MIR2052HG: variants seen among roughly 807,000 people sequenced by gnomAD.
MIR2052HG encodes MIR2052 host gene.
At chr8:74,637,431 GCACA>G (rs144103123) in intron 2 of MIR2052HG, among the ~76,000 whole-genome samples, 2 of 150,836 alleles carry the variant, frequency 1.3e-5, no homozygotes, top group South Asian at 4.2e-4. Flanking sequence ...ACATGTGCGT[GCACA>G]CACACACACA....
chr8:74,687,265 C>T (rs987419613), intron 2 of MIR2052HG, among the ~76,000 whole-genome samples: 2 of 151,976 alleles, frequency 1.3e-5, no homozygotes, highest in African/African-American at 2.4e-5. Context: ...AATGGTCTAG[C>T]AGTTATGGAA....
chr8:74,649,708 T>C (rs896552959), intron 2 of MIR2052HG, among the ~76,000 whole-genome samples: 1 of 152,180 alleles, frequency 6.6e-6, no homozygotes, highest in Non-Finnish European at 1.5e-5. Context: ...TTAGTGTCAC[T>C]GTGAATTACT....
intron 2 of MIR2052HG, among the ~76,000 whole-genome samples, chr8:74,685,607 G>A (rs896707526): frequency 2.6e-5 from 4 of 152,030 alleles, no homozygotes; most frequent in South Asian, 2.1e-4. Context: ...TATAATTTCC[G>A]TCCAGTGTGA....
chr8:74,650,058 G>A (rs12544130), intron 2 of MIR2052HG, among the ~76,000 whole-genome samples: 5,316 of 152,074 alleles, frequency 0.035, 150 homozygotes, highest in South Asian at 0.1. Flanking sequence ...AGTTAAATCT[G>A]TGGTTTTATA....
At chr8:74,709,987 G>T (rs564330500) in intron 4 of MIR2052HG, among the ~76,000 whole-genome samples, 1 of 152,240 alleles carries the variant, frequency 6.6e-6, no homozygotes, top group South Asian at 2.1e-4. Flanking sequence ...ACAGTTATCA[G>T]AAATTCTTGT....
intron 4 of MIR2052HG, among the ~76,000 whole-genome samples, chr8:74,716,213 G>A (rs1030885484): frequency 6.6e-6 from 1 of 152,050 alleles, no homozygotes; most frequent in African/African-American, 2.4e-5. Flanking sequence ...TCTGGGCCAT[G>A]CAGCCCAGAG....
At chr8:74,626,278 T>C (rs551032422) in intron 2 of MIR2052HG, among the ~76,000 whole-genome samples, 1 of 152,354 alleles carries the variant, frequency 6.6e-6, no homozygotes, top group Non-Finnish European at 1.5e-5. Context: ...ATCAGGCTGC[T>C]GGTCATAAAA....
chr8:74,661,896 G>A (rs527819878), intron 2 of MIR2052HG, among the ~76,000 whole-genome samples: 19 of 152,120 alleles, frequency 1.2e-4, no homozygotes, highest in South Asian at 8.3e-4. Flanking sequence ...TGTCTGATTC[G>A]TTGCTAATTA....
intron 2 of MIR2052HG, chr8:74,632,442 A>C (rs1288921675): frequency 6.6e-6 from 1 of 152,032 alleles, no homozygotes; most frequent in Non-Finnish European, 1.5e-5. Context: ...CCTGAGTGCT[A>C]TACTTACCTC....
intron 2 of MIR2052HG, among the ~76,000 whole-genome samples, chr8:74,621,988 G>T (rs1808367828): frequency 2.6e-5 from 4 of 152,142 alleles, no homozygotes. Flanking sequence ...ACACTGGTCT[G>T]GGTAATGATT....
intron 2 of MIR2052HG, among the ~76,000 whole-genome samples, chr8:74,634,816 A>G (rs1808561359): frequency 6.6e-6 from 1 of 152,166 alleles, no homozygotes. Flanking sequence ...TGAGGGGTCC[A>G]TAGCTTTATG....
chr8:74,650,238 C>T (rs1808737620), intron 2 of MIR2052HG, among the ~76,000 whole-genome samples: 1 of 152,100 alleles, frequency 6.6e-6, no homozygotes, highest in Admixed American at 6.6e-5. Flanking sequence ...GTCTCCTCCT[C>T]AATGTTGTTT....
intron 4 of MIR2052HG, among the ~76,000 whole-genome samples, chr8:74,747,567 T>A (rs1228534596): frequency 6.6e-6 from 1 of 152,178 alleles, no homozygotes; most frequent in Non-Finnish European, 1.5e-5. Flanking sequence ...ATCGTGTTAT[T>A]CTCTGAGTAA....
chr8:74,628,063 G>T (rs1471801673), intron 2 of MIR2052HG, among the ~76,000 whole-genome samples: 1 of 152,112 alleles, frequency 6.6e-6, no homozygotes, highest in Non-Finnish European at 1.5e-5. Flanking sequence ...TGATTGCCTT[G>T]TTCTGCTTCC....
intron 2 of MIR2052HG, among the ~76,000 whole-genome samples, chr8:74,622,442 A>G (rs1022060178): frequency 1.3e-5 from 2 of 152,068 alleles, no homozygotes; most frequent in African/African-American, 4.8e-5. Flanking sequence ...TGTTTTTACT[A>G]AAAATACAAA....
intron 2 of MIR2052HG, among the ~76,000 whole-genome samples, chr8:74,672,708 A>G (rs1809005973): frequency 6.6e-6 from 1 of 152,060 alleles, no homozygotes; most frequent in Non-Finnish European, 1.5e-5. Context: ...GTCCTTTTAG[A>G]CACAATGTTT....
At chr8:74,731,853 T>C (rs1215368391) in intron 4 of MIR2052HG, among the ~76,000 whole-genome samples, 1 of 152,136 alleles carries the variant, frequency 6.6e-6, no homozygotes, top group Non-Finnish European at 1.5e-5. Flanking sequence ...TCTATTGCCT[T>C]TCAGAAGCAT....
At chr8:74,707,656 T>G (rs1170191233) in intron 4 of MIR2052HG, among the ~76,000 whole-genome samples, 1 of 152,092 alleles carries the variant, frequency 6.6e-6, no homozygotes, top group Admixed American at 6.6e-5. Flanking sequence ...CCAGTCCAGA[T>G]GCTCCTGGAG....
chr8:74,704,703 T>G (rs1247416434), intron 4 of MIR2052HG, among the ~76,000 whole-genome samples: 1 of 152,076 alleles, frequency 6.6e-6, no homozygotes, highest in Non-Finnish European at 1.5e-5. Flanking sequence ...ACTTCTCATC[T>G]TCCAAAACTT....
Sources: gnomAD v4.1 joint callset for allele counts (sites outside exome capture counted in the v4.1 genomes callset) on GRCh38, gnomAD v4.1.1 for gene constraint, MANE v1.5 for transcripts, NCBI Gene and HGNC (gene_info 2026-07-23, HGNC 2026-07-21) for gene names.